Variants in CNTN6 observed in about 807,000 individuals in gnomAD.
CNTN6 encodes the protein contactin 6, also known as contactin-6.
Under a neutral mutation model 122.8 loss-of-function variants are expected in CNTN6, and 137 were observed. The ratio of observed to expected loss-of-function variants is 1.12; its 90% CI spans 0.97 to 1.29. The LOEUF (loss-of-function observed/expected upper bound fraction) is 1.29. Ranked by LOEUF, CNTN6 falls within the 50% of genes most tolerant of loss-of-function variation. CNTN6 has a pLI of 0.00. For missense variants in CNTN6, 1,634 were observed against 1,223.4 expected, an observed-to-expected ratio of 1.34 and a Z score of -5.01; for synonymous variants, 570 against 426.0, an observed-to-expected ratio of 1.34 and a Z score of -4.16.
At chr3:1,308,843 G>T (rs2125917399) in intron 7 of CNTN6, among the ~76,000 whole-genome samples, 1 of 152,004 alleles carries the variant, frequency 6.6e-6, no homozygotes, top group African/African-American at 2.4e-5. Context: ...GGTGTATAGT[G>T]GTATTTCCTT....
intron 20 of CNTN6, among the ~76,000 whole-genome samples, chr3:1,390,846 A>G (rs926996834): frequency 1.3e-5 from 2 of 150,924 alleles, no homozygotes; most frequent in Non-Finnish European, 3.0e-5. Flanking sequence ...CTCTCCCAAG[A>G]CTAAACCAGG....
intron 5 of CNTN6, among the ~76,000 whole-genome samples, chr3:1,291,704 A>G (rs1163781485): frequency 6.6e-6 from 1 of 152,128 alleles, no homozygotes; most frequent in Non-Finnish European, 1.5e-5. Flanking sequence ...GATGACTCTG[A>G]TTTCAAACAA....
chr3:1,166,823 G>A (rs898068795), intron 2 of CNTN6, among the ~76,000 whole-genome samples: 2 of 152,120 alleles, frequency 1.3e-5, no homozygotes, highest in African/African-American at 2.4e-5. Context: ...TCATAAGTGG[G>A]AGTTGAGCTA....
At chr3:1,132,658 A>AAAATAAAT (rs71303111) in intron 1 of CNTN6, among the ~76,000 whole-genome samples, 3,105 of 144,462 alleles carry the variant, frequency 0.021, 61 homozygotes, top group Admixed American at 0.042. Flanking sequence ...CTCTGTCTAA[A>AAAATAAAT]AAATAAATAA....
intron 2 of CNTN6, among the ~76,000 whole-genome samples, chr3:1,182,655 C>T (rs2093572952): frequency 6.6e-6 from 1 of 151,272 alleles, no homozygotes; most frequent in South Asian, 2.1e-4. Context: ...ACAAAGTACG[C>T]CTATAGTTAT....
At chr3:1,389,867 A>G (rs1466705821) in intron 20 of CNTN6, among the ~76,000 whole-genome samples, 2 of 151,710 alleles carry the variant, frequency 1.3e-5, no homozygotes, top group African/African-American at 2.4e-5. Context: ...TAACTATCCT[A>G]AATATCTATG....
At chr3:1,183,519 A>C (rs995871567) in intron 2 of CNTN6, among the ~76,000 whole-genome samples, 5 of 152,114 alleles carry the variant, frequency 3.3e-5, no homozygotes, top group African/African-American at 1.2e-4. Context: ...TGCACAATAC[A>C]CAACTAGATT....
chr3:1,157,159 A>G (rs990417991), intron 2 of CNTN6, among the ~76,000 whole-genome samples: 11 of 151,686 alleles, frequency 7.3e-5, no homozygotes, highest in Admixed American at 6.6e-4. Context: ...TTAAGCATTT[A>G]TCCTTTGTGT....
intron 10 of CNTN6, among the ~76,000 whole-genome samples, chr3:1,329,284 T>C (rs1241639788): frequency 1.3e-5 from 2 of 151,608 alleles, no homozygotes; most frequent in Non-Finnish European, 3.0e-5. Flanking sequence ...ATCATATGTA[T>C]GTATATGACA....
At chr3:1,271,126 C>T (rs992249002) in intron 4 of CNTN6, among the ~76,000 whole-genome samples, 1 of 152,202 alleles carries the variant, frequency 6.6e-6, no homozygotes, top group Non-Finnish European at 1.5e-5. Flanking sequence ...GATCCGCCCA[C>T]CTTGGTGTCC....
intron 2 of CNTN6, among the ~76,000 whole-genome samples, chr3:1,175,000 G>T (rs1413446554): frequency 6.6e-6 from 1 of 151,932 alleles, no homozygotes; most frequent in African/African-American, 2.4e-5. Context: ...ATTTTTGGAG[G>T]CCAAGGTGGG....
In CNTN6 at chr3:1,130,667, A is replaced by C. The variant is rs185631130; in HGVS notation, c.-82-17260A>C. Among the ~76,000 whole-genome samples, 109 of 152,184 alleles carry C rather than the reference A, an allele frequency of 7.2e-4. 1 individual carries two copies. In the East Asian group the frequency reaches 0.019, roughly 27 times the overall value. On this transcript the variant is annotated intron_variant, in intron 1 of 22. Coordinates refer to ENST00000446702, the MANE Select transcript of CNTN6 (RefSeq NM_001289080.2). ...CCTAGCAATGTTTCTTGGGATCCCA[A>C]CTAAACTTGCATTCAAATCCTTGAT...
At chr3:1,255,427 AAGAAAGAAAG>A (rs1559625142) in intron 4 of CNTN6, among the ~76,000 whole-genome samples, 3 of 149,878 alleles carry the variant, frequency 2.0e-5, no homozygotes, top group East Asian at 4.0e-4. Flanking sequence ...GAAAAAAAAA[AAGAAAGAAAG>A]AAAGAAAGAA....
At position 1,403,399 on chromosome 3, in the gene CNTN6, C is replaced by G; in HGVS notation, c.3068C>G (p.Ala1023Gly). ...SIVIVIFHCF[A>G]IQPLI is the part of the protein sequence containing the mutation. ...GTCATTGTGATTTTTCACTGTTTTG[C>G]TATTCAGCCACTTATCTGATGAATA... is the stretch of plus-strand genomic sequence containing the variant. Residue 1023 changes from alanine to glycine, a missense_variant, in exon 23 of 23, where the codon GCT (alanine) becomes GGT (glycine). Ala to Gly is a moderately conservative substitution (Grantham distance 60, BLOSUM62 0). Coordinates refer to ENST00000446702, the MANE Select transcript of CNTN6 (RefSeq NM_001289080.2). 6.2e-7 allele frequency: 1 copy of G among 1,607,850 alleles called. No homozygotes were observed. The highest frequency in any genetic ancestry group is 8.5e-7 in the Non-Finnish European group (1 of 1,175,476).
chr3:1,256,956 T>A (rs191746014), intron 4 of CNTN6, among the ~76,000 whole-genome samples: 10 of 152,280 alleles, frequency 6.6e-5, no homozygotes, highest in African/African-American at 2.4e-4. Context: ...TGCATCTTGA[T>A]TAACAACCTT....
intron 4 of CNTN6, among the ~76,000 whole-genome samples, chr3:1,245,292 TAAC>T (rs1387161782): frequency 0.52 from 5,585 of 10,812 alleles, 1,831 homozygotes; most frequent in East Asian, 0.68. Context: ...CATATATATA[TAAC>T]ATATATATAT....
At chr3:1,247,233 T>C (rs2094595070) in intron 4 of CNTN6, among the ~76,000 whole-genome samples, 1 of 152,148 alleles carries the variant, frequency 6.6e-6, no homozygotes, top group Non-Finnish European at 1.5e-5. Context: ...TCTATAGGGA[T>C]CCAATTGAGC....
chr3:1,165,349 AATC>A (rs1383263885), intron 2 of CNTN6, among the ~76,000 whole-genome samples: 2 of 152,170 alleles, frequency 1.3e-5, no homozygotes, highest in Non-Finnish European at 2.9e-5. Flanking sequence ...ACCAATAGGA[AATC>A]ATAATAGTTT....
At chr3:1,137,862 T>C (rs1226980712) in intron 1 of CNTN6, among the ~76,000 whole-genome samples, 6 of 152,186 alleles carry the variant, frequency 3.9e-5, no homozygotes, top group African/African-American at 1.4e-4. Flanking sequence ...TTCTACTTGT[T>C]AAAATGCTCA....
Sources: allele counts gnomAD v4.1 joint callset (sites outside exome capture counted in the v4.1 genomes callset), GRCh38; gene constraint gnomAD v4.1.1; transcripts MANE v1.5; gene names NCBI Gene and HGNC (gene_info 2026-07-23, HGNC 2026-07-21).